Variants in NUP210L observed in about 807,000 individuals in gnomAD.
NUP210L encodes the protein nuclear pore membrane glycoprotein 210-like.
NUP210L carries 74 observed loss-of-function variants against 208.5 expected under a neutral mutation model. The ratio of observed to expected loss-of-function variants is 0.35; its 90% CI spans 0.29 to 0.43. The LOEUF is 0.43. Among genes scored for constraint, NUP210L ranks in the 20% least tolerant of loss-of-function variants. The pLI is 1.00. For synonymous variants in NUP210L, 780 were observed against 816.9 expected (o/e 0.95, Z 0.77); for missense variants, 1,843 against 2,289.4 (o/e 0.81, Z 3.98).
intron 17 of NUP210L, among the ~76,000 whole-genome samples, chr1:154,065,081 A>C (rs1003260307): frequency 7.1e-6 from 1 of 140,490 alleles, no homozygotes; most frequent in African/African-American, 2.8e-5. Context: ...ATCTCAGTAA[A>C]TAAATAAATA....
In NUP210L at chr1:154,135,579, G is replaced by T. The variant is rs191870994; in HGVS notation, c.1009+235C>A. On this transcript the variant is annotated intron_variant, in intron 7 of 39. Coordinates refer to ENST00000368559, the Ensembl canonical transcript of NUP210L. Reference sequence around the variant, plus strand: ...TGGGACTACAGGCGCCCGCCACCACGCCTGGCTAATTTTTAGTATTTTTAG... The same window carrying T: ...TGGGACTACAGGCGCCCGCCACCACTCCTGGCTAATTTTTAGTATTTTTAG... Among the ~76,000 whole-genome samples, 3 of 152,062 alleles carry T rather than the reference G, an allele frequency of 2.0e-5. No homozygotes were observed. The East Asian group carries it at 5.8e-4, about 29-fold the overall frequency.
intron 35 of NUP210L, among the ~76,000 whole-genome samples, chr1:154,004,230 G>A (rs1458305265): frequency 1.3e-5 from 2 of 149,664 alleles, no homozygotes; most frequent in East Asian, 2.0e-4. Flanking sequence ...CACCACGCCC[G>A]GCTAATTTTT....
intron 17 of NUP210L, among the ~76,000 whole-genome samples, chr1:154,065,198 T>G (rs1654343663): frequency 6.6e-6 from 1 of 151,828 alleles, no homozygotes; most frequent in Admixed American, 6.6e-5. Context: ...GGTGGGAGGA[T>G]CACTTCAGGC....
At chr1:154,085,979 A>G (rs1655603311) in intron 16 of NUP210L, among the ~76,000 whole-genome samples, 3 of 152,206 alleles carry the variant, frequency 2.0e-5, no homozygotes. Context: ...TGGGAGGCCA[A>G]GGCGGGCAGA....
intron 16 of NUP210L, among the ~76,000 whole-genome samples, chr1:154,077,498 A>T (rs1209407441): frequency 6.6e-6 from 1 of 152,192 alleles, no homozygotes; most frequent in Non-Finnish European, 1.5e-5. Flanking sequence ...AAATGGAGAG[A>T]ATTTATTGCT....
chr1:154,149,785 A>G (rs1659296190), intron 2 of NUP210L, among the ~76,000 whole-genome samples: 1 of 152,248 alleles, frequency 6.6e-6, no homozygotes, highest in Non-Finnish European at 1.5e-5. Flanking sequence ...ATTAGGAGAA[A>G]TATCAAACAT....
intron 35 of NUP210L, among the ~76,000 whole-genome samples, chr1:154,004,454 GC>G (rs1650391822): frequency 6.6e-6 from 1 of 151,114 alleles, no homozygotes; most frequent in Non-Finnish European, 1.5e-5. Context: ...TTCAAGCTCT[GC>G]CTCCCTGGTT....
chr1:154,038,028 GTCT>G (rs1439077360), intron 27 of NUP210L, among the ~76,000 whole-genome samples: 1 of 152,026 alleles, frequency 6.6e-6, no homozygotes, highest in African/African-American at 2.4e-5. Context: ...TTGTTTTGTG[GTCT>G]TCTCTTCCTT....
At chr1:154,077,294 T>C (rs1425323408) in intron 16 of NUP210L, among the ~76,000 whole-genome samples, 1 of 151,778 alleles carries the variant, frequency 6.6e-6, no homozygotes, top group East Asian at 1.9e-4. Flanking sequence ...AAGAATTGCT[T>C]GAATCCAGGA....
intron 10 of NUP210L, among the ~76,000 whole-genome samples, chr1:154,123,879 TA>T (rs964551595): frequency 2.6e-3 from 295 of 113,530 alleles, no homozygotes; most frequent in Middle Eastern, 7.7e-3. Flanking sequence ...CTGTCTCAAT[TA>T]AAAAAAAAAA....
intron 27 of NUP210L, among the ~76,000 whole-genome samples, chr1:154,044,279 C>A (rs931340653): frequency 6.6e-6 from 1 of 151,920 alleles, no homozygotes; most frequent in Admixed American, 6.6e-5. Context: ...TGGTGGCAGG[C>A]ACCTGTAATC....
intron 15 of NUP210L, among the ~76,000 whole-genome samples, chr1:154,091,215 C>T (rs1196060078): frequency 2.6e-5 from 4 of 151,390 alleles, no homozygotes; most frequent in African/African-American, 9.7e-5. Context: ...TGTGACTCAT[C>T]CTCCTGAGTA....
At chr1:154,037,176 G>A (rs1652601206) in intron 27 of NUP210L, among the ~76,000 whole-genome samples, 3 of 152,290 alleles carry the variant, frequency 2.0e-5, no homozygotes, top group South Asian at 2.1e-4. Flanking sequence ...TTGAATAGAA[G>A]TTCTGTAAAT....
intron 25 of NUP210L, among the ~76,000 whole-genome samples, chr1:154,049,308 G>A (rs1202074640): frequency 6.6e-6 from 1 of 152,144 alleles, no homozygotes; most frequent in Non-Finnish European, 1.5e-5. Context: ...GGGAGCACAA[G>A]TTCTAATTCC....
At chr1:154,035,430 TC>T in intron 27 of NUP210L, among the ~76,000 whole-genome samples, 1 of 151,396 alleles carries the variant, frequency 6.6e-6, no homozygotes, top group South Asian at 2.1e-4. Context: ...GGAGTTTCAC[TC>T]TTGCTGCCCA....
exon 23 of NUP210L, chr1:154,056,871 C>T (rs1653897441): frequency 6.2e-7 from 1 of 1,606,048 alleles, no homozygotes; most frequent in Non-Finnish European, 8.5e-7. Context: ...TTGGCAATAG[C>T]CACAAGTGTG....
Position 154,143,465 on chromosome 1 carries a change from C to CAG in NUP210L, c.452_453insCT (p.Arg152Ter). On this transcript the variant is annotated frameshift_variant, in exon 3 of 40. Transcript: ENST00000368559. LOFTEE classifies it high-confidence loss of function. ...CTTTACCTTCAGCATCCAATGCCCT[C>CAG]ACCATCAGTTCCAGTGGCGAATCAT... is the stretch of plus-strand genomic sequence containing the variant. 1 of 1,613,780 alleles carries CAG rather than the reference C, an allele frequency of 6.2e-7. No homozygotes were observed. The highest frequency in any genetic ancestry group is 1.3e-5 in the African/African-American group (1 of 75,018).
chr1:154,110,898 T>A, intron 12 of NUP210L, among the ~76,000 whole-genome samples: 1 of 148,288 alleles, frequency 6.7e-6, no homozygotes, highest in Admixed American at 6.7e-5. Flanking sequence ...AAAACAAAAC[T>A]GCAAAAGCAA....
At chr1:154,088,260 TG>T (rs36065589) in intron 16 of NUP210L, among the ~76,000 whole-genome samples, 1 of 151,274 alleles carries the variant, frequency 6.6e-6, no homozygotes, top group East Asian at 1.9e-4. Context: ...ATCAACTGAC[TG>T]GGGAAAGTTG....
Sources: gnomAD v4.1 joint callset for allele counts (sites outside exome capture counted in the v4.1 genomes callset) on GRCh38, gnomAD v4.1.1 for gene constraint, MANE v1.5 for transcripts, NCBI Gene and HGNC (gene_info 2026-07-23, HGNC 2026-07-21) for gene names.